The following PAQR3 variants were observed in gnomAD, a reference collection of about 807,000 sequenced individuals.
PAQR3 encodes the protein progestin and adipoQ receptor family member 3.
PAQR3 carries 39 observed loss-of-function variants against 41.7 expected under a neutral mutation model. That is an observed-to-expected ratio of 0.93 (90% confidence interval 0.72 to 1.22). The LOEUF (loss-of-function observed/expected upper bound fraction) is 1.22, where lower values mean the gene tolerates loss of function less well. Among genes scored for constraint, PAQR3 ranks in the 50% most tolerant of loss-of-function variants. The pLI, the probability that PAQR3 is intolerant of heterozygous loss-of-function variation, is 0.00. For missense variants in PAQR3, 366 were observed against 385.6 expected (o/e 0.95, Z 0.42); for synonymous variants, 140 against 140.6 (o/e 1.00, Z 0.03).
chr4:78,927,302 C>G (rs1255061921), intron 3 of PAQR3, among the ~76,000 whole-genome samples: 2 of 152,210 alleles, frequency 1.3e-5, no homozygotes, highest in African/African-American at 2.4e-5. Flanking sequence ...ATGTTTTGAA[C>G]TTTACCACAC....
At chr4:78,937,056 A>T (rs987292852) in intron 1 of PAQR3, among the ~76,000 whole-genome samples, 3 of 152,206 alleles carry the variant, frequency 2.0e-5, no homozygotes, top group Non-Finnish European at 4.4e-5. Context: ...CAGTATCTTA[A>T]GCATACCCTG....
intron 11 of PAQR3, among the ~76,000 whole-genome samples, chr4:78,903,151 T>C (rs546436389): frequency 1.3e-5 from 2 of 151,696 alleles, no homozygotes; most frequent in East Asian, 3.9e-4. Flanking sequence ...CATTATCAAA[T>C]TTTAACACCT....
Position 78,918,556 on chromosome 4 carries a change from C to T in PAQR3, c.*1983G>A, listed in dbSNP as rs950691174. 3.1e-6 allele frequency: 3 copies of T among 975,756 alleles called. No homozygotes were observed. The Admixed American group carries it at 1.9e-4, about 60-fold the overall frequency. The allele number at this position is 975,756 out of a possible 1,614,324, so 60.4% of individuals were successfully genotyped here. A position where few individuals can be genotyped will look rare whatever the true frequency, so the allele number is the denominator to read the frequency against. On this transcript the variant is annotated 3_prime_UTR_variant, in exon 6 of 6. Transcript: ENST00000512733. Reference sequence around the variant, plus strand: ...GAAATGTTTACATGGAATAATTTTCCCTACAGAAAGACCTGTACACCCTTT... The same window carrying T: ...GAAATGTTTACATGGAATAATTTTCTCTACAGAAAGACCTGTACACCCTTT...
At position 78,919,502 on chromosome 4, in the gene PAQR3, AAC is replaced by A; in HGVS notation, c.*1035_*1036del. On this transcript the variant is annotated 3_prime_UTR_variant, in exon 6 of 6. Coordinates refer to ENST00000512733, the MANE Select transcript of PAQR3 (RefSeq NM_001040202.2). ...GATTCTGAGTTATCAATGCAATGCT[AAC>A]ACATGCAGAAACCGAGGACCAGAGC... is the stretch of plus-strand genomic sequence containing the variant. 2.0e-6 allele frequency: 2 copies of A among 985,146 alleles called. No individual in the cohort carries two copies. The highest frequency in any genetic ancestry group is 1.1e-4 in the East Asian group (1 of 8,820). The allele number at this position is 985,146 out of a possible 1,614,324, so 61.0% of individuals were successfully genotyped here. A position where few individuals can be genotyped will look rare whatever the true frequency, so the allele number is the denominator to read the frequency against.
intron 11 of PAQR3, among the ~76,000 whole-genome samples, chr4:78,890,406 A>G (rs200149958): frequency 1.1e-3 from 132 of 122,914 alleles, no homozygotes; most frequent in East Asian, 3.3e-3. Flanking sequence ...AATCATGCGC[A>G]CACACACACA....
Position 78,920,415 on chromosome 4 carries a change from T to A in PAQR3, c.*124A>T. On this transcript the variant is annotated 3_prime_UTR_variant, in exon 6 of 6. Transcript: ENST00000512733. ...AAGTATACTTTTTTTCCCATTTTTA[T>A]AAAGCATTACTCATATTAAAAAGGA... The A allele has an allele frequency of 3.0e-6, 4 of 1,327,838 alleles. No homozygotes were observed. The highest frequency in any genetic ancestry group is 3.9e-6 in the Non-Finnish European group (4 of 1,036,834). The allele number at this position is 1,327,838 out of a possible 1,614,324, so 82.3% of individuals were successfully genotyped here.
In PAQR3 at chr4:78,935,146, C is replaced by G; in HGVS notation, c.323G>C (p.Cys108Ser). The change falls in exon 2 of 6, where the codon TGT becomes TCT. Residue 108 changes from cysteine (C) to serine (S), a missense_variant. Cys to Ser is a moderately radical substitution (Grantham distance 112). Coordinates refer to ENST00000512733, the MANE Select transcript of PAQR3 (RefSeq NM_001040202.2). ...ASASREDFVICSICLFCFQVC... is the reference protein window; with the variant it reads ...ASASREDFVISSICLFCFQVC... ...CTGGAAGCAGAAAAGACAAATAGAA[C>G]AAATTACAAAATCTTCTCTGGACGC... 6.2e-7 allele frequency: 1 copy of G among 1,613,056 alleles called. No homozygotes were observed. The highest frequency in any genetic ancestry group is 8.5e-7 in the Non-Finnish European group (1 of 1,179,616).
chr4:78,939,035 C>G lies in PAQR3; in HGVS notation c.185+5G>C. 2.5e-6 allele frequency: 4 copies of G among 1,593,990 alleles called. No homozygotes were observed. The highest frequency in any genetic ancestry group is 2.6e-6 in the Non-Finnish European group (3 of 1,165,926). On this transcript the variant is annotated splice_donor_5th_base_variant and intron_variant, in intron 1 of 5. Coordinates refer to ENST00000512733, the MANE Select transcript of PAQR3 (RefSeq NM_001040202.2). ...GCACTCCAGGCGGAGGCAGCCAGAC[C>G]GTACCTTTTGATACACAGCCTGGAC... is the stretch of plus-strand genomic sequence containing the variant.
At chr4:78,924,727 T>C (rs938506927) in intron 4 of PAQR3, among the ~76,000 whole-genome samples, 37 of 152,030 alleles carry the variant, frequency 2.4e-4, no homozygotes, top group African/African-American at 8.4e-4. Flanking sequence ...TTTTTTTTTT[T>C]TTAATTAGCT....
At chr4:78,933,346 G>A (rs1737108731) in intron 2 of PAQR3, 1 of 444,286 alleles carries the variant, frequency 2.3e-6, no homozygotes, top group Non-Finnish European at 4.5e-6. Flanking sequence ...CCCTGGGAAG[G>A]TTCAAAGCCC....
chr4:78,888,850 T>C (rs1438271590), intron 11 of PAQR3, among the ~76,000 whole-genome samples: 2 of 152,196 alleles, frequency 1.3e-5, no homozygotes, highest in African/African-American at 4.8e-5. Context: ...ATACTGTTCA[T>C]TGAATGTGCA....
At chr4:78,922,103 A>T in intron 5 of PAQR3, 2 of 1,034,506 alleles carry the variant, frequency 1.9e-6, no homozygotes, top group South Asian at 3.6e-5. Flanking sequence ...GAATTTTAAA[A>T]AGAATTATTA....
At chr4:78,926,751 T>G in intron 3 of PAQR3, 33 bp from the exon 4 acceptor site, 1 of 1,583,788 alleles carries the variant, frequency 6.3e-7, no homozygotes, top group Non-Finnish European at 8.7e-7. Flanking sequence ...TTTAATTCTG[T>G]TATTAACAAT....
chr4:78,893,215 C>T (rs1204397394), intron 11 of PAQR3, among the ~76,000 whole-genome samples: 1 of 152,146 alleles, frequency 6.6e-6, no homozygotes, highest in Non-Finnish European at 1.5e-5. Context: ...CTCAAGAAAC[C>T]ACTTCTTTGC....
chr4:78,917,978 T>C lies in PAQR3; in HGVS notation c.*2561A>G. The C allele has an allele frequency of 1.0e-6, 1 of 984,350 alleles. No homozygotes were observed. The highest frequency in any genetic ancestry group is 1.2e-6 in the Non-Finnish European group (1 of 828,630). The allele number at this position is 984,350 out of a possible 1,614,324, so 61.0% of individuals were successfully genotyped here. On this transcript the variant is annotated 3_prime_UTR_variant, in exon 6 of 6. Coordinates refer to ENST00000512733, the MANE Select transcript of PAQR3 (RefSeq NM_001040202.2). ...CAGTTTATTTACATAATACATATTTTGTCATGCAGCTTACTGAATTGCAGT... is the reference window on the plus strand; with the variant it reads ...CAGTTTATTTACATAATACATATTTCGTCATGCAGCTTACTGAATTGCAGT...
intron 10 of PAQR3, among the ~76,000 whole-genome samples, chr4:78,906,510 TTATACTGTGTTCTCAAATATAG>T: frequency 6.6e-6 from 1 of 152,280 alleles, no homozygotes; most frequent in Admixed American, 6.5e-5. Context: ...TTTCCATTTC[TTATACTGTGTTCTCAAATATAG>T]CTGTCTAAAA....
chr4:78,920,147 A>C lies in PAQR3; in HGVS notation c.*392T>G. The C allele has an allele frequency of 1.0e-6, 1 of 988,496 alleles. No homozygotes were observed. The highest frequency in any genetic ancestry group is 1.2e-6 in the Non-Finnish European group (1 of 831,816). 61.2% of individuals were successfully genotyped at this position (988,496 alleles called of 1,614,324 possible). ...AACACTTGCCTTGATTAGGCACTTAAACTTGACAATTAACTGAAAATAATT... is the reference window on the plus strand; with the variant it reads ...AACACTTGCCTTGATTAGGCACTTACACTTGACAATTAACTGAAAATAATT... On this transcript the variant is annotated 3_prime_UTR_variant, in exon 6 of 6. Coordinates refer to ENST00000512733, the MANE Select transcript of PAQR3 (RefSeq NM_001040202.2).
In PAQR3 at chr4:78,912,826, C is replaced by G. The variant is rs916964728; in HGVS notation, c.*7713G>C. ...AGAACAAAAATATGAAGAGAAATAT[C>G]TGACATTTGTAAAGAAATTATAAGA... On this transcript the variant is annotated 3_prime_UTR_variant, in exon 6 of 6. Coordinates refer to ENST00000512733, the MANE Select transcript of PAQR3 (RefSeq NM_001040202.2). 6.6e-6 allele frequency: 1 copy of G among 151,966 alleles called. No individual in the cohort carries two copies. The highest frequency in any genetic ancestry group is 1.5e-5 in the Non-Finnish European group (1 of 67,962). 9.4% of individuals were successfully genotyped at this position (151,966 alleles called of 1,614,324 possible). A position where few individuals can be genotyped will look rare whatever the true frequency, so the allele number is the denominator to read the frequency against.
At chr4:78,934,349 C>T (rs937617773) in intron 2 of PAQR3, among the ~76,000 whole-genome samples, 1 of 152,180 alleles carries the variant, frequency 6.6e-6, no homozygotes, top group Non-Finnish European at 1.5e-5. Context: ...ACCTCTCAAA[C>T]TCAGCAGCAA....
Sources: allele counts gnomAD v4.1 joint callset (sites outside exome capture counted in the v4.1 genomes callset), GRCh38; gene constraint gnomAD v4.1.1; transcripts MANE v1.5; gene names NCBI Gene and HGNC (gene_info 2026-07-23, HGNC 2026-07-21).